ALG9: variants seen among roughly 807,000 people sequenced by gnomAD.
The protein encoded by ALG9 is alpha-1,2-mannosyltransferase ALG9.
ALG9 carries 55 observed loss-of-function variants against 81.8 expected under a neutral mutation model. That is an observed-to-expected ratio of 0.67 (90% CI 0.54 to 0.84). ALG9 has a LOEUF of 0.84. Among genes scored for constraint, ALG9 ranks in the 40% least tolerant of loss-of-function variants. The probability of loss-of-function intolerance (pLI) is 0.00; values close to 1 mark genes in which losing one functional copy is unlikely to be tolerated. For missense variants in ALG9, 629 were observed against 745.0 expected (o/e 0.84, Z 1.81); for synonymous variants, 278 against 274.3 (o/e 1.01, Z -0.13).
Position 111,853,317 on chromosome 11 carries a change from A to T in ALG9, c.895+63T>A, listed in dbSNP as rs539346993. The stretch of plus-strand genomic sequence containing the variant: ...AATAATACGAGGCAACTGAATTAAA[A>T]TGCTGAAGTTCAGGCAAATTAAGCT... On this transcript the variant is annotated intron_variant, in intron 8 of 14. Transcript: ENST00000616540. The T allele has an allele frequency of 8.2e-5, 90 of 1,103,574 alleles. 1 individual carries two copies. The highest frequency in any genetic ancestry group is 1.2e-4 in the Non-Finnish European group (88 of 718,410). The allele number at this position is 1,103,574 out of a possible 1,614,324, so 68.4% of individuals were successfully genotyped here. A position where few individuals can be genotyped will look rare whatever the true frequency, so the allele number is the denominator to read the frequency against.
At chr11:111,834,588 A>G (rs1954918208) in intron 13 of ALG9, among the ~76,000 whole-genome samples, 1 of 152,252 alleles carries the variant, frequency 6.6e-6, no homozygotes, top group Non-Finnish European at 1.5e-5. Context: ...AAGGTTATCA[A>G]GTTTAGCAAC....
downstream of ALG9, among the ~76,000 whole-genome samples, chr11:111,781,432 A>C: frequency 6.6e-6 from 1 of 152,306 alleles, no homozygotes; most frequent in Middle Eastern, 3.4e-3. Flanking sequence ...GCCATTTCTA[A>C]AATATAAAAA....
the ALG9 span, among the ~76,000 whole-genome samples, chr11:111,771,658 G>A: frequency 3.9e-5 from 6 of 152,134 alleles, no homozygotes; most frequent in South Asian, 2.1e-4. Flanking sequence ...TGACAGGGGC[G>A]GGAAACCTGA....
chr11:111,821,124 A>G (rs1952290324), intron 13 of ALG9, among the ~76,000 whole-genome samples: 1 of 152,208 alleles, frequency 6.6e-6, no homozygotes, highest in Non-Finnish European at 1.5e-5. Flanking sequence ...AAAAGTAAAA[A>G]GAAATCCTAT....
intron 4 of ALG9, among the ~76,000 whole-genome samples, chr11:111,864,085 A>G (rs1961383450): frequency 6.6e-6 from 1 of 152,214 alleles, no homozygotes; most frequent in African/African-American, 2.4e-5. Context: ...TCACCACTAA[A>G]GAACTTATCC....
In ALG9 at chr11:111,857,682, C is replaced by G. The variant is rs2137108604; in HGVS notation, c.621G>C (p.Trp207Cys). 1 of 1,614,152 alleles carries G rather than the reference C, an allele frequency of 6.2e-7. No individual in the cohort carries two copies. The highest frequency in any genetic ancestry group is 8.5e-7 in the Non-Finnish European group (1 of 1,180,014). ...MYTTLIAMTG[W>C]YMDKTSIAVL... ...CAGCAATGGAAGTCTTGTCCATATA[C>G]CATCCAGTCATGGCTATCAACGTAG... Residue 207 changes from tryptophan to cysteine, a missense_variant, in exon 6 of 15, where the codon TGG becomes TGC. Physicochemically the swap from Trp to Cys is radical, Grantham distance 215. This residue lies in a region of ALG9 where 344 missense variants were observed against 390.5 expected (regional missense o/e 0.88). Transcript: ENST00000616540.
chr11:111,779,963 A>T (rs1945839059), downstream of ALG9, among the ~76,000 whole-genome samples: 1 of 152,216 alleles, frequency 6.6e-6, no homozygotes, highest in South Asian at 2.1e-4. Flanking sequence ...CATTTGTTTA[A>T]ATGTCAGGTC....
chr11:111,835,495 G>A (rs1343493306), intron 13 of ALG9, among the ~76,000 whole-genome samples: 7 of 152,096 alleles, frequency 4.6e-5, no homozygotes, highest in African/African-American at 1.4e-4. Flanking sequence ...TGTTAAAACC[G>A]GAATATACTA....
rs782510301 is a variant in ALG9 at position 111,846,648 on chromosome 11, T to C, written c.896-1925A>G. Among the ~76,000 whole-genome samples the C allele has an allele frequency of 7.6e-4, 115 of 152,070 alleles. 2 individuals carry two copies. The highest frequency in any genetic ancestry group is 2.1e-4 in the Non-Finnish European group (14 of 68,006). ...ATTTCCCTGAAAGATGGGGCAAAAA[T>C]TGGGGGATAAGCCAAAAGTGAAGAA... is the stretch of plus-strand genomic sequence containing the variant. On this transcript the variant is annotated intron_variant, in intron 8 of 14. Coordinates refer to ENST00000616540, the MANE Select transcript of ALG9 (RefSeq NM_024740.2).
chr11:111,772,021 C>G, the ALG9 span, among the ~76,000 whole-genome samples: 420 of 152,350 alleles, frequency 2.8e-3, 3 homozygotes, highest in African/African-American at 9.7e-3. Flanking sequence ...TTGCTACTCC[C>G]TCCTCCATCT....
chr11:111,839,514 G>A (rs1555121435), intron 10 of ALG9, among the ~76,000 whole-genome samples: 2 of 146,406 alleles, frequency 1.4e-5, no homozygotes, highest in African/African-American at 5.1e-5. Flanking sequence ...GAACCCGAGA[G>A]GCAGAGCTTG....
At chr11:111,850,267 T>C (rs1055914768) in intron 8 of ALG9, among the ~76,000 whole-genome samples, 6 of 152,188 alleles carry the variant, frequency 3.9e-5, no homozygotes, top group Admixed American at 2.6e-4. Flanking sequence ...TGTAACCCAA[T>C]GGATACCCCA....
In ALG9 at chr11:111,868,696, TC is replaced by T; in HGVS notation, c.310del (p.Glu104AsnfsTer46). ...LIYGEGFQTW[E>X]YSPAYAIRSY... ...GCGAATGGCATATGCTGGGGAATAT[TC>T]CCAAGTCTGAAACCCTTCCCCATAG... On this transcript the variant is annotated frameshift_variant, in exon 3 of 15. Coordinates refer to ENST00000616540, the MANE Select transcript of ALG9 (RefSeq NM_024740.2). LOFTEE classifies it high-confidence loss of function. 6.2e-7 allele frequency: 1 copy of T among 1,613,700 alleles called. No homozygotes were observed.
intron 3 of ALG9, 21 bp downstream of exon 3, chr11:111,868,581 T>A: frequency 1.9e-6 from 3 of 1,611,848 alleles, no homozygotes; most frequent in Non-Finnish European, 2.5e-6. Flanking sequence ...TGTGATTGCT[T>A]CCAGGTTGGT....
At chr11:111,806,261 A>C (rs1949917695) in intron 14 of ALG9, among the ~76,000 whole-genome samples, 1 of 152,134 alleles carries the variant, frequency 6.6e-6, no homozygotes, top group Non-Finnish European at 1.5e-5. Flanking sequence ...CTTGTATAGC[A>C]AAACTCTTTC....
chr11:111,868,044 G>A (rs1448540337), intron 3 of ALG9, among the ~76,000 whole-genome samples: 1 of 151,998 alleles, frequency 6.6e-6, no homozygotes, highest in Non-Finnish European at 1.5e-5. Flanking sequence ...CAGAAGAAGA[G>A]GAAACCGGAC....
At chr11:111,768,407 A>G in the ALG9 span, among the ~76,000 whole-genome samples, 2 of 152,290 alleles carry the variant, frequency 1.3e-5, no homozygotes, top group Middle Eastern at 6.8e-3. Flanking sequence ...TGTAAGAACT[A>G]GAAATAAAAG....
downstream of ALG9, among the ~76,000 whole-genome samples, chr11:111,781,999 C>A (rs1445867275): frequency 6.6e-6 from 1 of 152,152 alleles, no homozygotes; most frequent in Non-Finnish European, 1.5e-5. Context: ...TAAAACTAAT[C>A]CTCACTGGGT....
At chr11:111,803,199 A>C (rs1949391703) in intron 14 of ALG9, among the ~76,000 whole-genome samples, 1 of 152,164 alleles carries the variant, frequency 6.6e-6, no homozygotes, top group African/African-American at 2.4e-5. Context: ...CCACAAAATA[A>C]TATTGAAGAA....
Sources: allele counts gnomAD v4.1 joint callset (sites outside exome capture counted in the v4.1 genomes callset), GRCh38; gene constraint gnomAD v4.1.1; regional missense constraint gnomAD v4.1.1; transcripts MANE v1.5; gene names NCBI Gene and HGNC (gene_info 2026-07-23, HGNC 2026-07-21).